Variants in GRK7 observed in about 807,000 individuals in gnomAD.
GRK7 encodes G protein-coupled receptor kinase 7.
Under a neutral mutation model 34.1 loss-of-function variants are expected in GRK7, and 24 were observed. That is an observed-to-expected ratio of 0.70 (90% CI 0.51 to 0.99). The LOEUF (loss-of-function observed/expected upper bound fraction) is 0.99. Among genes scored for constraint, GRK7 ranks in the 50% least tolerant of loss-of-function variants. GRK7 has a pLI of 0.00. For synonymous variants in GRK7, 256 were observed against 279.4 expected (o/e 0.92, Z 0.84); for missense variants, 644 against 707.3 (o/e 0.91, Z 1.02).
chr3:141,815,064 A>T (rs1457446869), intron 5 of GRK7, among the ~76,000 whole-genome samples: 2 of 151,798 alleles, frequency 1.3e-5, no homozygotes, highest in Admixed American at 6.6e-5. Context: ...AGCTGGGACT[A>T]CAGGCACACT....
chr3:141,802,703 G>T (rs1710982842), intron 4 of GRK7, among the ~76,000 whole-genome samples: 1 of 152,160 alleles, frequency 6.6e-6, no homozygotes, highest in Non-Finnish European at 1.5e-5. Flanking sequence ...TCATCCTGTG[G>T]GGTATGGAGC....
chr3:141,765,054 G>A lies in GRK7; in HGVS notation c.-899G>A, dbSNP rs115933414. 4.7e-3 allele frequency among the ~76,000 whole-genome samples: 720 copies of A among 152,274 alleles called. 11 individuals are homozygous for A. The highest frequency in any genetic ancestry group is 0.017 in the African/African-American group (691 of 41,536). ...ATCCTGTTAAAATGTCCATCTGATT[G>A]TTGAAAACTTCCAGTGGCTTTCCAT... is the stretch of plus-strand genomic sequence containing the variant. On this transcript the variant is annotated 5_prime_UTR_variant, in exon 1 of 6. Transcript: ENST00000682958.
upstream of GRK7, among the ~76,000 whole-genome samples, chr3:141,762,499 GA>G (rs2084560008): frequency 6.6e-6 from 1 of 150,384 alleles, no homozygotes; most frequent in East Asian, 2.0e-4. Flanking sequence ...CCTGCTGGGA[GA>G]ACCACTGCTC....
chr3:141,767,247 G>T (rs537237342), intron 1 of GRK7, among the ~76,000 whole-genome samples: 2 of 152,282 alleles, frequency 1.3e-5, no homozygotes, highest in Middle Eastern at 6.8e-3. Flanking sequence ...TGTAAGGAAG[G>T]TCAGGCTTCC....
chr3:141,778,814 A>T lies in GRK7; in HGVS notation c.530A>T (p.Gln177Leu). ...VTSAFYDKFL[Q>L]WKLFEMQPVS... ...AGCGCCTTCTACGACAAGTTTCTGCAGTGGAAACTCTTCGAGATGCAACCA... is the reference window on the plus strand; with the variant it reads ...AGCGCCTTCTACGACAAGTTTCTGCTGTGGAAACTCTTCGAGATGCAACCA... The change falls in exon 3 of 6, where the codon CAG becomes CTG. Residue 177 changes from glutamine to leucine, a missense_variant. Coordinates refer to ENST00000682958, the MANE Select transcript of GRK7 (RefSeq NM_139209.3). The surrounding 1 kb of genome is among the most constrained non-coding windows in gnomAD (Gnocchi z 4.1). 2.5e-6 allele frequency: 4 copies of T among 1,610,870 alleles called. No homozygotes were observed. The highest frequency in any genetic ancestry group is 3.4e-6 in the Non-Finnish European group (4 of 1,178,620).
chr3:141,810,098 A>C (rs1464490170), intron 5 of GRK7, among the ~76,000 whole-genome samples: 2 of 152,202 alleles, frequency 1.3e-5, no homozygotes, highest in African/African-American at 4.8e-5. Context: ...CAATCAGTTG[A>C]AAGCCTTAAT....
chr3:141,816,935 C>T lies in GRK7; in HGVS notation c.1547C>T (p.Ala516Val), dbSNP rs1267412231. Residue 516 changes from alanine to valine, a missense_variant, in exon 6 of 6, where the codon GCA becomes GTA. Coordinates refer to ENST00000682958, the MANE Select transcript of GRK7 (RefSeq NM_139209.3). ...TTTGCGACAGGTGCTGTTCCTATAG[C>T]ATGGCAGGAAGAAATTATAGAAACG... is the stretch of plus-strand genomic sequence containing the variant. ...KNFATGAVPI[A>V]WQEEIIETGL... 4.3e-6 allele frequency: 7 copies of T among 1,614,030 alleles called. No homozygotes were observed. The highest frequency in any genetic ancestry group is 2.2e-5 in the East Asian group (1 of 44,892).
At chr3:141,815,839 A>G (rs1711147105) in intron 5 of GRK7, among the ~76,000 whole-genome samples, 1 of 152,004 alleles carries the variant, frequency 6.6e-6, no homozygotes, top group South Asian at 2.1e-4. Context: ...TGAGCTTGGA[A>G]GCAAATCCCC....
intron 4 of GRK7, among the ~76,000 whole-genome samples, chr3:141,800,601 A>G (rs773614080): frequency 6.6e-6 from 1 of 152,206 alleles, no homozygotes; most frequent in Non-Finnish European, 1.5e-5. Flanking sequence ...CAACAAGGAC[A>G]TTTGGAAATA....
chr3:141,767,520 C>T (rs150005123), intron 1 of GRK7, among the ~76,000 whole-genome samples: 4,758 of 152,158 alleles, frequency 0.031, 96 homozygotes, highest in East Asian at 0.047. Flanking sequence ...CCTACCTCAG[C>T]CTCCTGATTA....
chr3:141,779,881 T>C (rs2681695), intron 3 of GRK7, among the ~76,000 whole-genome samples: 44,526 of 152,232 alleles, frequency 0.29, 9,993 homozygotes, highest in African/African-American at 0.63. Flanking sequence ...AATATTCCAT[T>C]GTATGGATGT....
the GRK7 span, among the ~76,000 whole-genome samples, chr3:141,752,847 A>G: frequency 7.2e-5 from 11 of 152,300 alleles, no homozygotes; most frequent in South Asian, 1.2e-3. Flanking sequence ...AGAGGATGAG[A>G]GGGATATCTC....
At chr3:141,760,671 G>C (rs201372649), upstream of GRK7, among the ~76,000 whole-genome samples, 1,602 of 151,190 alleles carry the variant, frequency 0.011, 28 homozygotes, top group East Asian at 0.07. Context: ...GGGTATCCTT[G>C]TTGACTTTCT....
Position 141,770,568 on chromosome 3 carries a change from A to G in GRK7, c.-214-4012A>G, listed in dbSNP as rs74658610. ...GGGCTTTTACTGAAAGAAAAAAGAA[A>G]AAAAAAAAAGACACCTTTGCTGTGG... On this transcript the variant is annotated intron_variant, in intron 1 of 5. Coordinates refer to ENST00000682958, the MANE Select transcript of GRK7 (RefSeq NM_139209.3). 9.5e-4 allele frequency among the ~76,000 whole-genome samples: 144 copies of G among 152,096 alleles called. 1 individual carries two copies. In the East Asian group the frequency reaches 0.025, roughly 27 times the overall value.
At chr3:141,806,975 A>G (rs1711043241) in intron 4 of GRK7, among the ~76,000 whole-genome samples, 1 of 152,018 alleles carries the variant, frequency 6.6e-6, no homozygotes, top group African/African-American at 2.4e-5. Flanking sequence ...ATGTATATAT[A>G]TTTAATCTAA....
intron 4 of GRK7, among the ~76,000 whole-genome samples, chr3:141,783,665 A>T (rs1292273755): frequency 2.6e-5 from 4 of 152,068 alleles, no homozygotes; most frequent in Non-Finnish European, 4.4e-5. Context: ...TGGAAGGGGG[A>T]GACTGGTCCC....
chr3:141,804,962 ACACT>A (rs1336715586), intron 4 of GRK7, among the ~76,000 whole-genome samples: 1 of 150,552 alleles, frequency 6.6e-6, no homozygotes, highest in Non-Finnish European at 1.5e-5. Context: ...CATACACACC[ACACT>A]CACATACACA....
At chr3:141,750,764 C>CT in the GRK7 span, among the ~76,000 whole-genome samples, 183 of 143,174 alleles carry the variant, frequency 1.3e-3, 1 homozygote, top group South Asian at 0.018. Context: ...GGTTTATAAC[C>CT]TTTTTTTTTT....
chr3:141,773,509 A>G (rs2084625951), intron 1 of GRK7, among the ~76,000 whole-genome samples: 1 of 152,074 alleles, frequency 6.6e-6, no homozygotes. Context: ...GATGATTATT[A>G]TTTATTGTTA....
Sources: allele counts gnomAD v4.1 joint callset (sites outside exome capture counted in the v4.1 genomes callset), GRCh38; gene constraint gnomAD v4.1.1; non-coding constraint Gnocchi (gnomAD v3.1); transcripts MANE v1.5; gene names NCBI Gene and HGNC (gene_info 2026-07-23, HGNC 2026-07-21).